FNIP1: variants seen among roughly 807,000 people sequenced by gnomAD.
The protein encoded by FNIP1 is folliculin-interacting protein 1.
FNIP1 carries 40 observed loss-of-function variants against 124.5 expected under a neutral mutation model. The ratio of observed to expected loss-of-function variants is 0.32; its 90% CI spans 0.25 to 0.42. FNIP1 has a LOEUF of 0.42. Among genes scored for constraint, FNIP1 ranks in the 10% least tolerant of loss-of-function variants. The pLI is 1.00. For missense variants in FNIP1, 1,176 were observed against 1,403.7 expected (o/e 0.84, Z 2.59); for synonymous variants, 472 against 470.6 (o/e 1.00, Z -0.04).
At chr5:131,716,446 TAC>T in intron 6 of FNIP1, 117 bp downstream of exon 6, 1 of 585,828 alleles carries the variant, frequency 1.7e-6, no homozygotes, top group Non-Finnish European at 2.9e-6. Context: ...CTCTTCCACT[TAC>T]AGTATTTGAA....
chr5:131,714,256 A>T (rs1580778458), intron 6 of FNIP1, among the ~76,000 whole-genome samples: 1 of 152,132 alleles, frequency 6.6e-6, no homozygotes, highest in African/African-American at 2.4e-5. Flanking sequence ...GCGGGCTGAG[A>T]CACTTCCAGT....
chr5:131,726,544 G>T (rs185562796), intron 3 of FNIP1, among the ~76,000 whole-genome samples: 3 of 152,040 alleles, frequency 2.0e-5, no homozygotes, highest in Non-Finnish European at 2.9e-5. Flanking sequence ...GTGTTTATTT[G>T]ATTCTTTTCT....
chr5:131,752,381 AT>A (rs1469158584), intron 1 of FNIP1, among the ~76,000 whole-genome samples: 3 of 152,282 alleles, frequency 2.0e-5, no homozygotes, highest in Admixed American at 2.0e-4. Flanking sequence ...ATAGGACTTT[AT>A]GAAAAAGGTA....
Position 131,642,346 on chromosome 5 carries a change from C to CA in FNIP1, c.*2338dup, listed in dbSNP as rs1158765302. On this transcript the variant is annotated 3_prime_UTR_variant, in exon 18 of 18. Transcript: ENST00000510461. The stretch of plus-strand genomic sequence containing the variant: ...AGGAATGGGAAGCAGTGGGGAGGAA[C>CA]AAAACAGTAACTCAGGAATCCTATA... The CA allele has an allele frequency of 1.3e-5, 2 of 152,442 alleles. No individual in the cohort carries two copies. The highest frequency in any genetic ancestry group is 4.8e-5 in the African/African-American group (2 of 41,508). The allele number at this position is 152,442 out of a possible 1,614,324, so 9.4% of individuals were successfully genotyped here.
In FNIP1 at chr5:131,797,006, C is replaced by CTTGCTAGGCCCCTGCTCCTA; in HGVS notation, c.-86_-85insTAGGAGCAGGGGCCTAGCAA. On this transcript the variant is annotated 5_prime_UTR_variant, in exon 1 of 18. It introduces an in-frame stop codon into an upstream open reading frame of the 5' UTR. Coordinates refer to ENST00000510461, the MANE Select transcript of FNIP1 (RefSeq NM_133372.3). Reference sequence around the variant, plus strand: ...AGCCGCCCCGCCACCCCCATGGGCGCCTCAGTCATATGACAGAAATTAGTC... The same window carrying CTTGCTAGGCCCCTGCTCCTA: ...AGCCGCCCCGCCACCCCCATGGGCGCTTGCTAGGCCCCTGCTCCTACTCAGTCATATGACAGAAATTAGTC... The CTTGCTAGGCCCCTGCTCCTA allele has an allele frequency of 7.9e-7, 1 of 1,270,896 alleles. No individual in the cohort carries two copies. The highest frequency in any genetic ancestry group is 1.1e-6 in the Non-Finnish European group (1 of 911,766). The allele number at this position is 1,270,896 out of a possible 1,614,324, so 78.7% of individuals were successfully genotyped here. A position where few individuals can be genotyped will look rare whatever the true frequency, so the allele number is the denominator to read the frequency against.
At chr5:131,660,039 G>A (rs900480107) in intron 15 of FNIP1, among the ~76,000 whole-genome samples, 4 of 152,220 alleles carry the variant, frequency 2.6e-5, no homozygotes, top group Non-Finnish European at 4.4e-5. Flanking sequence ...CGGCCCGGGG[G>A]CATCGTTGCC....
chr5:131,693,718 T>C lies in FNIP1; in HGVS notation c.1202+5199A>G, dbSNP rs539367905. 5.3e-5 allele frequency among the ~76,000 whole-genome samples: 8 copies of C among 151,848 alleles called. No individual in the cohort carries two copies. The East Asian group carries it at 5.8e-4, about 11-fold the overall frequency. On this transcript the variant is annotated intron_variant, in intron 11 of 17. Coordinates refer to ENST00000510461, the MANE Select transcript of FNIP1 (RefSeq NM_133372.3). ...CCAAATACTATACAGGAAAGAAAAA[T>C]TGTTAAGTTGGACTGCATTAAAATT...
intron 2 of FNIP1, among the ~76,000 whole-genome samples, chr5:131,736,911 T>C (rs1355418957): frequency 4.6e-5 from 7 of 152,222 alleles, no homozygotes. Context: ...AGTTTACTCT[T>C]ATTCGGTTCA....
At chr5:131,746,902 T>C (rs1408911487) in intron 1 of FNIP1, among the ~76,000 whole-genome samples, 2 of 152,202 alleles carry the variant, frequency 1.3e-5, no homozygotes, top group Non-Finnish European at 2.9e-5. Context: ...CAATGGTGTG[T>C]AAGTATTCCC....
At chr5:131,755,006 C>T (rs184203220) in intron 1 of FNIP1, among the ~76,000 whole-genome samples, 13 of 152,178 alleles carry the variant, frequency 8.5e-5, no homozygotes, top group African/African-American at 3.1e-4. Context: ...AAAGGAGATA[C>T]CATTAACCAA....
chr5:131,731,940 T>C (rs543359846), intron 2 of FNIP1, among the ~76,000 whole-genome samples: 89 of 152,382 alleles, frequency 5.8e-4, no homozygotes, highest in Non-Finnish European at 5.6e-4. Flanking sequence ...CATATGTTTA[T>C]TCTTTCGAAA....
At chr5:131,652,137 G>A (rs951233963) in intron 15 of FNIP1, 138 bp from the exon 16 acceptor site, 5 of 712,148 alleles carry the variant, frequency 7.0e-6, no homozygotes, top group Admixed American at 2.9e-5. Flanking sequence ...CCTTGACCAA[G>A]AAGAATAATT....
At chr5:131,728,259 T>C (rs1309140666) in intron 3 of FNIP1, among the ~76,000 whole-genome samples, 4 of 152,218 alleles carry the variant, frequency 2.6e-5, no homozygotes, top group Non-Finnish European at 4.4e-5. Context: ...GTGGATAATA[T>C]CCTTAAGAGT....
rs756192567 is a variant in FNIP1, at chr5:131,672,420, T to C, written c.2024A>G (p.Asp675Gly). 1 of 1,613,976 alleles carries C rather than the reference T, an allele frequency of 6.2e-7. No homozygotes were observed. The highest frequency in any genetic ancestry group is 1.7e-5 in the Admixed American group (1 of 60,026). Reference protein sequence around the residue: ...QYRDKLRTCFDAKLETVVCTG... With the variant: ...QYRDKLRTCFGAKLETVVCTG... The stretch of plus-strand genomic sequence containing the variant: ...GCAAACAACTGTCTCTAACTTGGCG[T>C]CAAAGCAAGTTCTTAATTTATCTCT... Residue 675 changes from aspartate to glycine, a missense_variant, in exon 14 of 18, where the codon GAC (aspartate) becomes GGC (glycine). Physicochemically the swap from Asp to Gly is moderately conservative, Grantham distance 94. Around this residue, in one of 2 missense-constraint regions of FNIP1, gnomAD observed 1,109 missense variants for 1,288.5 expected, o/e 0.86. Coordinates refer to ENST00000510461, the MANE Select transcript of FNIP1 (RefSeq NM_133372.3).
intron 16 of FNIP1, among the ~76,000 whole-genome samples, chr5:131,647,623 G>A (rs1223784291): frequency 1.3e-5 from 2 of 151,846 alleles, no homozygotes; most frequent in East Asian, 1.9e-4. Context: ...ACAGCCATGC[G>A]CACCACACCC....
intron 9 of FNIP1, 58 bp from the exon 10 acceptor site, chr5:131,704,324 ATCT>A (rs1769004741): frequency 7.2e-7 from 1 of 1,384,628 alleles, no homozygotes. Context: ...TCACAATTTA[ATCT>A]TCTTGCTAAT....
At chr5:131,767,868 C>T (rs1771492550) in intron 1 of FNIP1, among the ~76,000 whole-genome samples, 1 of 152,052 alleles carries the variant, frequency 6.6e-6, no homozygotes, top group African/African-American at 2.4e-5. Flanking sequence ...TTTATATAGG[C>T]TGTTTATATC....
chr5:131,713,493 CAACT>C (rs1354101900), intron 6 of FNIP1, among the ~76,000 whole-genome samples: 2 of 152,180 alleles, frequency 1.3e-5, no homozygotes, highest in Non-Finnish European at 1.5e-5. Flanking sequence ...ACAGAAGATA[CAACT>C]AACTGGTCAA....
At chr5:131,750,388 T>C (rs1714079328) in intron 1 of FNIP1, among the ~76,000 whole-genome samples, 2 of 152,048 alleles carry the variant, frequency 1.3e-5, no homozygotes, top group Admixed American at 1.3e-4. Flanking sequence ...GTTTAAGATA[T>C]TAGAGGTAGA....
Sources: gnomAD v4.1 joint callset for allele counts (sites outside exome capture counted in the v4.1 genomes callset) on GRCh38, gnomAD v4.1.1 for gene constraint, gnomAD v4.1.1 regional missense constraint, MANE v1.5 for transcripts, NCBI Gene and HGNC (gene_info 2026-07-23, HGNC 2026-07-21) for gene names.